The following KCNG2 variants were observed in gnomAD, a reference collection of about 807,000 sequenced individuals.
The protein encoded by KCNG2 is potassium voltage-gated channel modifier subfamily G member 2, also known as voltage-gated potassium channel regulatory subunit KCNG2.
Under a neutral mutation model 12.3 loss-of-function variants are expected in KCNG2, and 7 were observed. The observed-to-expected ratio is 0.57, with a 90% CI of 0.32 to 1.07. The LOEUF (loss-of-function observed/expected upper bound fraction) is 1.07. Among genes scored for constraint, KCNG2 ranks in the 50% least tolerant of loss-of-function variants. KCNG2 has a pLI of 0.04. For missense variants in KCNG2, 703 were observed against 726.0 expected, an observed-to-expected ratio of 0.97 and a Z score of 0.36; for synonymous variants, 414 against 351.4, an observed-to-expected ratio of 1.18 and a Z score of -1.99.
intron 1 of KCNG2, among the ~76,000 whole-genome samples, chr18:79,850,053 C>T (rs1978764994): frequency 6.6e-6 from 1 of 152,232 alleles, no homozygotes; most frequent in Non-Finnish European, 1.5e-5. Context: ...CCTGGCTCTC[C>T]TGACCTTCTG....
intron 3 of KCNG2, among the ~76,000 whole-genome samples, chr18:79,878,868 G>C (rs766430500): frequency 7.9e-5 from 12 of 152,244 alleles, no homozygotes; most frequent in Non-Finnish European, 1.6e-4. Context: ...CTGTGTTGTG[G>C]AGCGAGACCT....
At chr18:79,869,862 G>A (rs909147121) in intron 3 of KCNG2, among the ~76,000 whole-genome samples, 4 of 152,210 alleles carry the variant, frequency 2.6e-5, no homozygotes, top group African/African-American at 4.8e-5. Context: ...GTCACGACCT[G>A]CAGACACCTC....
chr18:79,895,502 G>T (rs1159409714), intron 3 of KCNG2, among the ~76,000 whole-genome samples: 1 of 151,384 alleles, frequency 6.6e-6, no homozygotes, highest in Non-Finnish European at 1.5e-5. Context: ...AATAACGATT[G>T]ATATAGTTGG....
chr18:79,832,466 TTCACCTGCCCATCC>T (rs1299441329), intron 1 of KCNG2, among the ~76,000 whole-genome samples: 2 of 114,352 alleles, frequency 1.7e-5, no homozygotes, highest in South Asian at 2.7e-4. Context: ...CCTGTCCGTC[TTCACCTGCCCATCC>T]TCACCTGCCC....
At chr18:79,839,067 C>G (rs1483281768) in intron 1 of KCNG2, among the ~76,000 whole-genome samples, 1 of 152,182 alleles carries the variant, frequency 6.6e-6, no homozygotes, top group Non-Finnish European at 1.5e-5. Flanking sequence ...GAGGCCAAGT[C>G]AGGAGGATCA....
chr18:79,811,459 C>T (rs2087493673), intron 1 of KCNG2, among the ~76,000 whole-genome samples: 1 of 152,104 alleles, frequency 6.6e-6, no homozygotes, highest in African/African-American at 2.4e-5. Context: ...AGTGCCAAGA[C>T]CATGCAATGG....
intron 3 of KCNG2, among the ~76,000 whole-genome samples, chr18:79,888,487 G>A (rs868163638): frequency 9.7e-5 from 11 of 112,980 alleles, no homozygotes; most frequent in South Asian, 3.2e-4. Flanking sequence ...GGACGGCGGC[G>A]TCCTCCTCAT....
intron 3 of KCNG2, among the ~76,000 whole-genome samples, chr18:79,892,787 G>A (rs1316013379): frequency 1.3e-5 from 2 of 150,440 alleles, no homozygotes; most frequent in Non-Finnish European, 3.0e-5. Flanking sequence ...GATATAGTTG[G>A]GTCTGTGTCT....
intron 1 of KCNG2, among the ~76,000 whole-genome samples, chr18:79,809,825 G>C (rs1461768734): frequency 3.3e-5 from 5 of 152,266 alleles, no homozygotes; most frequent in African/African-American, 1.2e-4. Context: ...GAAAAAACAA[G>C]AATGTGGCCA....
At chr18:79,824,628 T>C (rs1381955314) in intron 1 of KCNG2, among the ~76,000 whole-genome samples, 2 of 152,210 alleles carry the variant, frequency 1.3e-5, no homozygotes, top group African/African-American at 4.8e-5. Context: ...AGAGAGCGGC[T>C]TTAGAACTTA....
At position 79,884,980 on chromosome 18, in the gene KCNG2, T is replaced by G. The variant is rs1463699657; in HGVS notation, c.625-14060T>G. 6.6e-6 allele frequency among the ~76,000 whole-genome samples: 1 copy of G among 151,980 alleles called. No individual in the cohort carries two copies. The highest frequency in any genetic ancestry group is 1.5e-5 in the Non-Finnish European group (1 of 67,984). ...CTCTGAGTGTGCGGTCCACTTTCCC[T>G]CCCCAAAGAAGCGCTTGCCCAACTC... On this transcript the variant is annotated intron_variant, in intron 3 of 3. Transcript: ENST00000316249. This position sits in a 1 kb window ranked among gnomAD's most constrained non-coding sequence, Gnocchi z 5.5.
intron 1 of KCNG2, among the ~76,000 whole-genome samples, chr18:79,820,096 G>C (rs1365904009): frequency 6.6e-6 from 1 of 152,222 alleles, no homozygotes; most frequent in African/African-American, 2.4e-5. Flanking sequence ...CTCGTGCAGG[G>C]TACCCCACAC....
intron 1 of KCNG2, among the ~76,000 whole-genome samples, chr18:79,834,603 G>A (rs1425275349): frequency 6.6e-6 from 1 of 152,202 alleles, no homozygotes; most frequent in Non-Finnish European, 1.5e-5. Flanking sequence ...ACAAACAGCT[G>A]GTGGGGATGT....
chr18:79,836,917 A>T (rs1177834665), intron 1 of KCNG2, among the ~76,000 whole-genome samples: 1 of 152,010 alleles, frequency 6.6e-6, no homozygotes, highest in African/African-American at 2.4e-5. Context: ...CCCCTCCCAA[A>T]TCTCATGTCC....
chr18:79,826,642 C>T (rs1185900662), intron 1 of KCNG2, among the ~76,000 whole-genome samples: 4 of 145,716 alleles, frequency 2.7e-5, no homozygotes, highest in Non-Finnish European at 3.0e-5. Flanking sequence ...AGATTACATT[C>T]GGCGCGTTAC....
At chr18:79,868,855 G>A (rs1044171586) in intron 3 of KCNG2, among the ~76,000 whole-genome samples, 3 of 152,230 alleles carry the variant, frequency 2.0e-5, no homozygotes, top group South Asian at 2.1e-4. Flanking sequence ...CAGTGGGACC[G>A]TAACTCAGTG....
chr18:79,885,840 C>T (rs112233698), intron 3 of KCNG2, among the ~76,000 whole-genome samples: 247 of 111,160 alleles, frequency 2.2e-3, no homozygotes, highest in Middle Eastern at 6.3e-3. Context: ...CATGGGGACA[C>T]GGGACAGGGA....
chr18:79,828,446 G>GTT (rs71338068), intron 1 of KCNG2, among the ~76,000 whole-genome samples: 10 of 151,150 alleles, frequency 6.6e-5, no homozygotes, highest in Admixed American at 5.3e-4. Flanking sequence ...GCAAGTGTGT[G>GTT]GTGTGTGTGC....
intron 3 of KCNG2, among the ~76,000 whole-genome samples, chr18:79,867,993 G>T (rs557020326): frequency 6.6e-6 from 1 of 152,206 alleles, no homozygotes; most frequent in African/African-American, 2.4e-5. Context: ...CTGCAGTCTG[G>T]GTGTCTGGCG....
Sources: gnomAD v4.1 joint callset for allele counts (sites outside exome capture counted in the v4.1 genomes callset) on GRCh38, gnomAD v4.1.1 for gene constraint, Gnocchi (gnomAD v3.1) non-coding constraint, MANE v1.5 for transcripts, NCBI Gene and HGNC (gene_info 2026-07-23, HGNC 2026-07-21) for gene names.